Variants in NPAS3 observed in about 807,000 individuals in gnomAD.
The protein encoded by NPAS3 is neuronal PAS domain-containing protein 3.
Under a neutral mutation model 73.1 loss-of-function variants are expected in NPAS3, and 14 were observed. The ratio of observed to expected loss-of-function variants is 0.19; its 90% CI spans 0.13 to 0.30. The LOEUF (loss-of-function observed/expected upper bound fraction) is 0.30. NPAS3 is among the 10% of genes least tolerant of loss of function. NPAS3 has a pLI of 1.00. For synonymous variants in NPAS3, 620 were observed against 541.5 expected, an observed-to-expected ratio of 1.14 and a Z score of -2.01; for missense variants, 1,096 against 1,250.0, an observed-to-expected ratio of 0.88 and a Z score of 1.86.
intron 5 of NPAS3, among the ~76,000 whole-genome samples, chr14:33,666,176 CTTAGTG>C (rs893107907): frequency 1.2e-4 from 19 of 152,192 alleles, no homozygotes; most frequent in African/African-American, 3.4e-4. Flanking sequence ...CAATCAATCA[CTTAGTG>C]TTAGTGAGCC....
chr14:33,165,411 G>C (rs893107610), intron 2 of NPAS3, among the ~76,000 whole-genome samples: 1 of 151,848 alleles, frequency 6.6e-6, no homozygotes, highest in African/African-American at 2.4e-5. Context: ...GATTTCTATG[G>C]GGACTACAGA....
chr14:33,636,930 G>A (rs1031447164), intron 5 of NPAS3, among the ~76,000 whole-genome samples: 1 of 124,160 alleles, frequency 8.1e-6, no homozygotes, highest in Admixed American at 7.6e-5. Context: ...CACACACAGA[G>A]TAATTGCAGG....
intron 3 of NPAS3, among the ~76,000 whole-genome samples, chr14:33,251,176 C>T (rs2139891858): frequency 6.6e-6 from 1 of 152,220 alleles, no homozygotes; most frequent in African/African-American, 2.4e-5. Flanking sequence ...AATCTGAAGC[C>T]ATCAATCTCG....
At chr14:33,456,006 C>T (rs2050006254) in intron 4 of NPAS3, among the ~76,000 whole-genome samples, 1 of 152,150 alleles carries the variant, frequency 6.6e-6, no homozygotes, top group African/African-American at 2.4e-5. Flanking sequence ...GGCAGTTTTT[C>T]TGCAGGCAGT....
intron 1 of NPAS3, among the ~76,000 whole-genome samples, chr14:33,049,673 G>A (rs904756239): frequency 9.8e-5 from 15 of 152,296 alleles, no homozygotes; most frequent in African/African-American, 3.6e-4. Context: ...TGAGATTTGG[G>A]TGGGGACACA....
chr14:33,032,757 C>A (rs2040036611), intron 1 of NPAS3, among the ~76,000 whole-genome samples: 1 of 152,234 alleles, frequency 6.6e-6, no homozygotes, highest in African/African-American at 2.4e-5. Flanking sequence ...CCCTGTGACA[C>A]TTCTCCACAC....
intron 3 of NPAS3, among the ~76,000 whole-genome samples, chr14:33,328,615 G>A (rs1367821285): frequency 2.6e-5 from 4 of 151,094 alleles, no homozygotes; most frequent in South Asian, 4.2e-4. Flanking sequence ...CCGCCACCAC[G>A]CCCGGCTAAT....
At chr14:33,447,500 G>A (rs1009134222) in intron 4 of NPAS3, among the ~76,000 whole-genome samples, 1 of 152,190 alleles carries the variant, frequency 6.6e-6, no homozygotes, top group African/African-American at 2.4e-5. Context: ...TAAGCAGTGA[G>A]TTTTTAAATT....
intron 5 of NPAS3, among the ~76,000 whole-genome samples, chr14:33,674,227 TA>T: frequency 6.6e-6 from 1 of 152,034 alleles, no homozygotes; most frequent in South Asian, 2.1e-4. Context: ...CCAGCTCCCC[TA>T]AAAAAATCTA....
At chr14:33,726,324 C>G (rs952910036) in intron 6 of NPAS3, among the ~76,000 whole-genome samples, 1 of 152,164 alleles carries the variant, frequency 6.6e-6, no homozygotes, top group African/African-American at 2.4e-5. Flanking sequence ...TATGTCAAGT[C>G]ATACACTGAA....
intron 2 of NPAS3, among the ~76,000 whole-genome samples, chr14:33,188,636 T>C (rs2046064345): frequency 1.3e-5 from 2 of 152,226 alleles, no homozygotes; most frequent in Admixed American, 6.5e-5. Context: ...GTCAGACCTA[T>C]TGACTCTTGA....
intron 4 of NPAS3, among the ~76,000 whole-genome samples, chr14:33,397,250 A>C (rs1434953053): frequency 2.0e-5 from 3 of 152,182 alleles, no homozygotes; most frequent in Non-Finnish European, 2.9e-5. Flanking sequence ...CTCTGCAGAA[A>C]GATTGAGTTT....
chr14:33,485,187 C>T (rs886312813), intron 4 of NPAS3, among the ~76,000 whole-genome samples: 2 of 152,120 alleles, frequency 1.3e-5, no homozygotes, highest in South Asian at 2.1e-4. Flanking sequence ...ATGGATTCCT[C>T]GTGTGCTTAG....
At chr14:33,429,040 G>A (rs1194964972) in intron 4 of NPAS3, among the ~76,000 whole-genome samples, 1 of 152,084 alleles carries the variant, frequency 6.6e-6, no homozygotes, top group Non-Finnish European at 1.5e-5. Context: ...ACAGATGTTT[G>A]AGCTAAGGAG....
chr14:33,778,361 A>C, intron 8 of NPAS3, 105 bp from the exon 9 acceptor site: 2 of 770,414 alleles, frequency 2.6e-6, no homozygotes, highest in Non-Finnish European at 4.4e-6. Context: ...CCTCACGGGT[A>C]CAGTAGTATA....
At chr14:33,674,218 C>T (rs1026123550) in intron 5 of NPAS3, among the ~76,000 whole-genome samples, 2 of 152,012 alleles carry the variant, frequency 1.3e-5, no homozygotes, top group South Asian at 4.1e-4. Context: ...ATTCAATAAC[C>T]AGCTCCCCTA....
chr14:33,756,727 A>C (rs188128371), intron 7 of NPAS3, among the ~76,000 whole-genome samples: 15 of 152,352 alleles, frequency 9.8e-5, no homozygotes, highest in Admixed American at 2.0e-4. Context: ...TGTAGCATCT[A>C]AGCAGTCAGT....
At chr14:33,366,673 T>C (rs1355988749) in intron 3 of NPAS3, among the ~76,000 whole-genome samples, 1 of 152,190 alleles carries the variant, frequency 6.6e-6, no homozygotes, top group African/African-American at 2.4e-5. Context: ...TGAAAAAGAA[T>C]GTCTTATCCA....
intron 2 of NPAS3, among the ~76,000 whole-genome samples, chr14:33,102,639 C>T (rs570634954): frequency 7.2e-5 from 11 of 152,060 alleles, no homozygotes; most frequent in Middle Eastern, 3.4e-3. Flanking sequence ...CCCTGAGTAG[C>T]GAAATAGGAA....
Sources: gnomAD v4.1 joint callset for allele counts (sites outside exome capture counted in the v4.1 genomes callset) on GRCh38, gnomAD v4.1.1 for gene constraint, MANE v1.5 for transcripts, NCBI Gene and HGNC (gene_info 2026-07-23, HGNC 2026-07-21) for gene names.